The following ANKH variants were observed in gnomAD, a reference collection of about 807,000 sequenced individuals.
ANKH encodes mineralization regulator ANKH.
In ANKH, 15 loss-of-function variants were observed where a neutral mutation model predicts 49.0. That is an observed-to-expected ratio of 0.31 (90% CI 0.20 to 0.47). The LOEUF (loss-of-function observed/expected upper bound fraction) is 0.47, where lower values mean the gene tolerates loss of function less well. Ranked by LOEUF, ANKH falls within the 20% of genes least tolerant of loss-of-function variation. The pLI, the probability that ANKH is intolerant of heterozygous loss-of-function variation, is 1.00. For missense variants in ANKH, 429 were observed against 652.0 expected, an observed-to-expected ratio of 0.66 and a Z score of 3.72; for synonymous variants, 273 against 260.0, an observed-to-expected ratio of 1.05 and a Z score of -0.48.
intron 1 of ANKH, chr5:14,797,084 A>T: frequency 1.5e-6 from 2 of 1,353,970 alleles, no homozygotes; most frequent in Non-Finnish European, 2.1e-6. Context: ...GTTGAGAAGA[A>T]AAAAGGGGAG....
At chr5:14,800,728 T>C (rs560000393) in intron 1 of ANKH, among the ~76,000 whole-genome samples, 11 of 131,826 alleles carry the variant, frequency 8.3e-5, no homozygotes, top group African/African-American at 1.2e-4. Context: ...ATTTTTTTTC[T>C]TTTTTTTTTT....
Position 14,710,913 on chromosome 5 carries a change from C to A in ANKH, c.*284G>T. 1 of 418,588 alleles carries A rather than the reference C, an allele frequency of 2.4e-6. No individual in the cohort carries two copies. The highest frequency in any genetic ancestry group is 4.5e-6 in the Non-Finnish European group (1 of 222,930). 25.9% of individuals were successfully genotyped at this position (418,588 alleles called of 1,614,324 possible). A position where few individuals can be genotyped will look rare whatever the true frequency, so the allele number is the denominator to read the frequency against. ...CAGGGGAGGAGGACACAACGTCAACCGTGAGGCAGCTGTGTCTTTTGGGTT... is the reference window on the plus strand; with the variant it reads ...CAGGGGAGGAGGACACAACGTCAACAGTGAGGCAGCTGTGTCTTTTGGGTT... On this transcript the variant is annotated 3_prime_UTR_variant, in exon 12 of 12. Coordinates refer to ENST00000284268, the MANE Select transcript of ANKH (RefSeq NM_054027.6).
intron 1 of ANKH, among the ~76,000 whole-genome samples, chr5:14,807,696 T>G (rs1202704279): frequency 6.6e-6 from 1 of 152,132 alleles, no homozygotes; most frequent in Non-Finnish European, 1.5e-5. Context: ...GGGAGTGATT[T>G]GAGGAGATGT....
chr5:14,835,326 AAG>A, intron 1 of ANKH, among the ~76,000 whole-genome samples: 1 of 152,276 alleles, frequency 6.6e-6, no homozygotes, highest in East Asian at 1.9e-4. Flanking sequence ...TGCCTCTTGG[AAG>A]AGTCTGTTCC....
intron 1 of ANKH, among the ~76,000 whole-genome samples, chr5:14,785,318 G>C (rs148748899): frequency 1.1e-3 from 174 of 152,308 alleles, no homozygotes; most frequent in African/African-American, 4.1e-3. Flanking sequence ...GAGGATCTTG[G>C]GGGTGGATCC....
At chr5:14,777,089 C>T (rs1739649976) in intron 1 of ANKH, among the ~76,000 whole-genome samples, 1 of 152,102 alleles carries the variant, frequency 6.6e-6, no homozygotes, top group South Asian at 2.1e-4. Context: ...TGAGACCAGC[C>T]CGGCAAACAT....
At chr5:14,867,567 T>C (rs1286155596) in intron 1 of ANKH, among the ~76,000 whole-genome samples, 1 of 152,218 alleles carries the variant, frequency 6.6e-6, no homozygotes, top group East Asian at 1.9e-4. Flanking sequence ...TTCTTTTTTT[T>C]TTTGAGACGG....
intron 1 of ANKH, chr5:14,788,058 A>C (rs1740036529): frequency 6.6e-6 from 1 of 152,214 alleles, no homozygotes; most frequent in African/African-American, 2.4e-5. Flanking sequence ...TACAGCATGA[A>C]GGCATTGAGT....
intron 1 of ANKH, among the ~76,000 whole-genome samples, chr5:14,850,608 A>G (rs1742096699): frequency 6.6e-6 from 1 of 152,208 alleles, no homozygotes; most frequent in Non-Finnish European, 1.5e-5. Context: ...TGGCAGTGCC[A>G]ACAGTCCTAC....
intron 8 of ANKH, among the ~76,000 whole-genome samples, chr5:14,718,807 G>T (rs567614023): frequency 8.0e-6 from 1 of 124,664 alleles, no homozygotes; most frequent in Non-Finnish European, 1.6e-5. Flanking sequence ...CAACAAAAGC[G>T]AAACTCCATC....
At chr5:14,856,231 A>T (rs762327502) in intron 1 of ANKH, among the ~76,000 whole-genome samples, 1 of 151,946 alleles carries the variant, frequency 6.6e-6, no homozygotes, top group Non-Finnish European at 1.5e-5. Context: ...ACAGAGTCTG[A>T]CCCTGTCTCA....
intron 8 of ANKH, among the ~76,000 whole-genome samples, chr5:14,727,356 TAACC>T (rs1737854205): frequency 6.6e-6 from 1 of 152,118 alleles, no homozygotes; most frequent in Admixed American, 6.5e-5. Context: ...TATAGTTTTA[TAACC>T]AGCTTTTTGA....
rs1402148218 is a variant in ANKH, at chr5:14,705,266, A to G, written c.*5931T>C. 2 of 152,212 alleles carry G rather than the reference A, an allele frequency of 1.3e-5. No homozygotes were observed. The highest frequency in any genetic ancestry group is 2.9e-5 in the Non-Finnish European group (2 of 68,022). 9.4% of individuals were successfully genotyped at this position (152,212 alleles called of 1,614,324 possible). On this transcript the variant is annotated 3_prime_UTR_variant, in exon 12 of 12. Transcript: ENST00000284268. Reference sequence around the variant, plus strand: ...CAGCCCATGTAGAGGAATGACTCTAAGCACACTTAATTTTGTTTAAAAAAA... The same window carrying G: ...CAGCCCATGTAGAGGAATGACTCTAGGCACACTTAATTTTGTTTAAAAAAA...
At chr5:14,727,693 C>T (rs1737865309) in intron 8 of ANKH, among the ~76,000 whole-genome samples, 1 of 151,874 alleles carries the variant, frequency 6.6e-6, no homozygotes, top group South Asian at 2.1e-4. Context: ...TAATAGTCAA[C>T]TTGGAACTTG....
chr5:14,733,101 A>C (rs1032879323), intron 8 of ANKH, among the ~76,000 whole-genome samples: 1 of 152,224 alleles, frequency 6.6e-6, no homozygotes. Flanking sequence ...TCTTCAAGCC[A>C]CATCAGTTAA....
At position 14,853,372 on chromosome 5, in the gene ANKH, T is replaced by G. The variant is rs1008124; in HGVS notation, c.96+17980A>C. Among the ~76,000 whole-genome samples, 262 of 152,268 alleles carry G rather than the reference T, an allele frequency of 1.7e-3. 1 individual carries two copies. The highest frequency in any genetic ancestry group is 6.8e-3 in the Middle Eastern group (2 of 294). ...AGGAGAATCACTTGAGCCCTGGGGC[T>G]TGAGACCAACCTGGGTAACATAGTG... On this transcript the variant is annotated intron_variant, in intron 1 of 11. Transcript: ENST00000284268.
intron 8 of ANKH, among the ~76,000 whole-genome samples, chr5:14,730,906 T>C (rs1467356672): frequency 6.6e-6 from 1 of 152,030 alleles, no homozygotes; most frequent in East Asian, 1.9e-4. Context: ...CACTTTGCAA[T>C]GGTGGGGTAG....
intron 1 of ANKH, among the ~76,000 whole-genome samples, chr5:14,816,453 C>T (rs962391096): frequency 1.3e-5 from 2 of 151,980 alleles, no homozygotes; most frequent in African/African-American, 2.4e-5. Context: ...CAGAGAGTGA[C>T]TTGGGGTGTC....
Position 14,725,892 on chromosome 5 carries a change from C to T in ANKH, c.1012-9057G>A, listed in dbSNP as rs1029987177. On this transcript the variant is annotated intron_variant, in intron 8 of 11. Transcript: ENST00000284268. The surrounding 1 kb of genome is among the most constrained non-coding windows in gnomAD (Gnocchi z 4.0). The stretch of plus-strand genomic sequence containing the variant: ...TCCTGAGTAGCTGGGACTACAGGTA[C>T]GTGCCACCACGCCCAGCTAATTTTT... 6.6e-5 allele frequency among the ~76,000 whole-genome samples: 10 copies of T among 152,156 alleles called. No homozygotes were observed. The highest frequency in any genetic ancestry group is 4.1e-4 in the South Asian group (2 of 4,828).
Sources: allele counts gnomAD v4.1 joint callset (sites outside exome capture counted in the v4.1 genomes callset), GRCh38; gene constraint gnomAD v4.1.1; non-coding constraint Gnocchi (gnomAD v3.1); transcripts MANE v1.5; gene names NCBI Gene and HGNC (gene_info 2026-07-23, HGNC 2026-07-21).